PARD3: variants seen among roughly 807,000 people sequenced by gnomAD.
The protein encoded by PARD3 is par-3 family cell polarity regulator.
A neutral mutation model predicts 155.4 loss-of-function variants in PARD3; 75 were observed. The ratio of observed to expected loss-of-function variants is 0.48; its 90% CI spans 0.40 to 0.58. The LOEUF (loss-of-function observed/expected upper bound fraction) is 0.58, where lower values mean the gene tolerates loss of function less well. Ranked by LOEUF, PARD3 falls within the 20% of genes least tolerant of loss-of-function variation. The pLI is 0.00. For synonymous variants in PARD3, 576 were observed against 610.5 expected, an observed-to-expected ratio of 0.94 and a Z score of 0.83; for missense variants, 1,642 against 1,721.7, an observed-to-expected ratio of 0.95 and a Z score of 0.82.
chr10:34,247,217 A>G (rs1468521663), intron 22 of PARD3, among the ~76,000 whole-genome samples: 1 of 152,208 alleles, frequency 6.6e-6, no homozygotes, highest in East Asian at 1.9e-4. Context: ...ATAGAAACAG[A>G]CAGGATAGAC....
chr10:34,267,530 C>A (rs1955382573), intron 22 of PARD3, among the ~76,000 whole-genome samples: 1 of 152,190 alleles, frequency 6.6e-6, no homozygotes, highest in East Asian at 1.9e-4. Context: ...AGCAACAAAC[C>A]AAATACTCTG....
intron 2 of PARD3, among the ~76,000 whole-genome samples, chr10:34,649,476 GGTAA>G (rs1269283523): frequency 6.6e-6 from 1 of 152,186 alleles, no homozygotes; most frequent in Non-Finnish European, 1.5e-5. Flanking sequence ...GGAACACAAT[GGTAA>G]GTATTTGTGC....
intron 15 of PARD3, chr10:34,343,362 A>G: frequency 4.1e-6 from 4 of 982,614 alleles, no homozygotes; most frequent in African/African-American, 1.7e-5. Flanking sequence ...TAACAAAGCA[A>G]TATGAACACT....
At chr10:34,670,307 C>A (rs114496395) in intron 2 of PARD3, among the ~76,000 whole-genome samples, 3,110 of 152,346 alleles carry the variant, frequency 0.02, 104 homozygotes, top group African/African-American at 0.071. Context: ...CGCGTGCACA[C>A]CGGCTCGCCA....
intron 11 of PARD3, 56 bp downstream of exon 11, chr10:34,374,818 C>A: frequency 1.3e-6 from 2 of 1,574,614 alleles, no homozygotes; most frequent in Non-Finnish European, 1.7e-6. Flanking sequence ...GGCAACTAAC[C>A]CAGACCCCTG....
At chr10:34,667,150 A>G (rs1271227503) in intron 2 of PARD3, among the ~76,000 whole-genome samples, 1 of 152,176 alleles carries the variant, frequency 6.6e-6, no homozygotes, top group Non-Finnish European at 1.5e-5. Context: ...CCTGGCCAAC[A>G]TAGAACAGGT....
intron 5 of PARD3, among the ~76,000 whole-genome samples, chr10:34,418,756 C>G (rs1268838372): frequency 6.6e-6 from 1 of 151,984 alleles, no homozygotes; most frequent in Non-Finnish European, 1.5e-5. Context: ...AACCTTGTCC[C>G]CTGAGAGAGC....
At chr10:34,205,243 C>A (rs11009678) in intron 22 of PARD3, among the ~76,000 whole-genome samples, 23,879 of 152,066 alleles carry the variant, frequency 0.16, 2,307 homozygotes, top group Middle Eastern at 0.3. Flanking sequence ...TGAGAATCAG[C>A]AGGAAATGAG....
intron 22 of PARD3, among the ~76,000 whole-genome samples, chr10:34,132,383 T>G (rs190779008): frequency 8.7e-6 from 1 of 114,604 alleles, no homozygotes; most frequent in Admixed American, 1.4e-4. Context: ...AGAAGATAAG[T>G]GGTTCATTTG....
chr10:34,301,771 A>G (rs1341159368), intron 20 of PARD3, among the ~76,000 whole-genome samples: 1 of 150,466 alleles, frequency 6.6e-6, no homozygotes, highest in Non-Finnish European at 1.5e-5. Context: ...CACCCAGCTG[A>G]CCAGGCTAAA....
intron 15 of PARD3, chr10:34,346,282 T>C (rs1837416096): frequency 8.1e-7 from 1 of 1,231,532 alleles, no homozygotes; most frequent in African/African-American, 1.6e-5. Flanking sequence ...CTTCAACTCA[T>C]ATATACAGCA....
chr10:34,255,601 T>C (rs1371272538), intron 22 of PARD3, among the ~76,000 whole-genome samples: 2 of 152,322 alleles, frequency 1.3e-5, no homozygotes, highest in Middle Eastern at 3.4e-3. Context: ...TGTTAGGTGG[T>C]TGTCATGCAG....
chr10:34,329,617 G>A (rs1177172471), intron 19 of PARD3, among the ~76,000 whole-genome samples: 2 of 152,058 alleles, frequency 1.3e-5, no homozygotes, highest in African/African-American at 4.8e-5. Flanking sequence ...AGGTGGGCCT[G>A]GAGAGGACAC....
intron 2 of PARD3, among the ~76,000 whole-genome samples, chr10:34,523,596 A>G (rs1313252758): frequency 2.0e-5 from 3 of 152,196 alleles, no homozygotes; most frequent in Non-Finnish European, 4.4e-5. Context: ...CTTAGTCAAC[A>G]AGAAGCACAA....
chr10:34,580,461 A>C (rs2134247625), intron 2 of PARD3, among the ~76,000 whole-genome samples: 1 of 152,298 alleles, frequency 6.6e-6, no homozygotes, highest in East Asian at 1.9e-4. Flanking sequence ...CTGGAGCCTA[A>C]GAAGTCCAGG....
At chr10:34,771,301 G>C (rs1838828594) in intron 1 of PARD3, among the ~76,000 whole-genome samples, 1 of 152,130 alleles carries the variant, frequency 6.6e-6, no homozygotes, top group Admixed American at 6.6e-5. Context: ...CTGTCCCTGT[G>C]GTTTGACTCA....
intron 2 of PARD3, among the ~76,000 whole-genome samples, chr10:34,561,797 C>T: frequency 6.6e-6 from 1 of 151,684 alleles, no homozygotes; most frequent in East Asian, 2.0e-4. Flanking sequence ...GGATTACAGG[C>T]ATGAGCCACT....
rs547803220 is a variant in PARD3, at chr10:34,346,546, T to C, written c.2218+1419A>G. On this transcript the variant is annotated intron_variant, in intron 15 of 24. Coordinates refer to ENST00000374788, the MANE Select transcript of PARD3 (RefSeq NM_001184785.2). ...CTCTCTCAAGGGGACTGAAATTTCA[T>C]CAACAAAAAAATAATTTAACAAAGA... The C allele has an allele frequency of 1.6e-4, 195 of 1,240,432 alleles. 1 individual carries two copies. The Admixed American group carries it at 5.9e-3, about 38-fold the overall frequency. The allele number at this position is 1,240,432 out of a possible 1,614,324, so 76.8% of individuals were successfully genotyped here. A position where few individuals can be genotyped will look rare whatever the true frequency, so the allele number is the denominator to read the frequency against.
At chr10:34,224,725 A>C (rs1476157026) in intron 22 of PARD3, among the ~76,000 whole-genome samples, 1 of 152,196 alleles carries the variant, frequency 6.6e-6, no homozygotes. Context: ...ACTGGGAGTA[A>C]ATAGCAGAGG....
Sources: allele counts gnomAD v4.1 joint callset (sites outside exome capture counted in the v4.1 genomes callset), GRCh38; gene constraint gnomAD v4.1.1; transcripts MANE v1.5; gene names NCBI Gene and HGNC (gene_info 2026-07-23, HGNC 2026-07-21).